The following RBFOX1 variants were observed in gnomAD, a reference collection of about 807,000 sequenced individuals.
The protein encoded by RBFOX1 is RNA binding protein fox-1 homolog 1.
A neutral mutation model predicts 57.7 loss-of-function variants in RBFOX1; 8 were observed. That is an observed-to-expected ratio of 0.14 (90% CI 0.08 to 0.25). The LOEUF (loss-of-function observed/expected upper bound fraction) is 0.25. RBFOX1 is among the 10% of genes least tolerant of loss of function. The probability of loss-of-function intolerance (pLI) is 1.00; values close to 1 mark genes in which losing one functional copy is unlikely to be tolerated. For synonymous variants in RBFOX1, 326 were observed against 222.4 expected (o/e 1.47, Z -4.15); for missense variants, 611 against 548.5 (o/e 1.11, Z -1.14).
At chr16:7,302,199 G>A (rs1176824842) in intron 4 of RBFOX1, among the ~76,000 whole-genome samples, 2 of 152,168 alleles carry the variant, frequency 1.3e-5, no homozygotes, top group African/African-American at 4.8e-5. Context: ...TGGAGGCACT[G>A]GTTTTGCAAG....
chr16:6,597,498 C>T (rs765525884), intron 2 of RBFOX1, among the ~76,000 whole-genome samples: 1 of 151,990 alleles, frequency 6.6e-6, no homozygotes, highest in African/African-American at 2.4e-5. Flanking sequence ...ATGGTGAAAC[C>T]CTGTCTCTAC....
At chr16:5,709,748 T>G (rs1313528262) in intron 3 of RBFOX1, among the ~76,000 whole-genome samples, 5 of 138,184 alleles carry the variant, frequency 3.6e-5, no homozygotes, top group Non-Finnish European at 7.7e-5. Context: ...AATGAGATCT[T>G]TACACCAATA....
At chr16:7,456,326 C>G (rs1027970911) in intron 4 of RBFOX1, among the ~76,000 whole-genome samples, 1 of 152,168 alleles carries the variant, frequency 6.6e-6, no homozygotes, top group African/African-American at 2.4e-5. Context: ...TGTGTGGATT[C>G]TCATTGTGAA....
intron 1 of RBFOX1, among the ~76,000 whole-genome samples, chr16:5,322,984 G>A (rs745957606): frequency 6.6e-6 from 1 of 152,090 alleles, no homozygotes; most frequent in Non-Finnish European, 1.5e-5. Flanking sequence ...GTAGATGAGT[G>A]TGGGCTTCAA....
intron 3 of RBFOX1, among the ~76,000 whole-genome samples, chr16:6,808,543 CT>C: frequency 6.6e-6 from 1 of 152,222 alleles, no homozygotes; most frequent in East Asian, 1.9e-4. Flanking sequence ...GGTTTGCATA[CT>C]CAACAAACAT....
At chr16:6,749,219 C>A (rs1011110329) in intron 3 of RBFOX1, among the ~76,000 whole-genome samples, 2 of 152,112 alleles carry the variant, frequency 1.3e-5, no homozygotes, top group South Asian at 4.1e-4. Context: ...CAGGCAAGAT[C>A]GTGTTTTGGC....
intron 3 of RBFOX1, among the ~76,000 whole-genome samples, chr16:6,903,711 A>C (rs950130791): frequency 6.6e-6 from 1 of 152,150 alleles, no homozygotes; most frequent in Admixed American, 6.5e-5. Context: ...GCAGCAGAGC[A>C]AGCACTGGGA....
At chr16:5,431,851 C>G (rs1432003051) in intron 1 of RBFOX1, among the ~76,000 whole-genome samples, 1 of 152,150 alleles carries the variant, frequency 6.6e-6, no homozygotes, top group Non-Finnish European at 1.5e-5. Flanking sequence ...CCAAAATCGT[C>G]CCTACAAATT....
chr16:6,323,136 G>A (rs529598201), intron 2 of RBFOX1, among the ~76,000 whole-genome samples: 1 of 152,298 alleles, frequency 6.6e-6, no homozygotes, highest in Non-Finnish European at 1.5e-5. Context: ...GGCAGAGAGA[G>A]AAAAGACAGA....
chr16:6,482,477 A>G (rs535513786), intron 2 of RBFOX1, among the ~76,000 whole-genome samples: 7 of 152,260 alleles, frequency 4.6e-5, no homozygotes, highest in Non-Finnish European at 1.0e-4. Flanking sequence ...AAAAAAAGTG[A>G]AATAGATCTA....
intron 4 of RBFOX1, among the ~76,000 whole-genome samples, chr16:7,162,409 C>T (rs1053369747): frequency 6.6e-6 from 1 of 151,778 alleles, no homozygotes; most frequent in Non-Finnish European, 1.5e-5. Context: ...TTATGATGCT[C>T]CATTGTGCAG....
intron 4 of RBFOX1, among the ~76,000 whole-genome samples, chr16:5,936,423 C>A (rs2059170332): frequency 6.6e-6 from 1 of 152,120 alleles, no homozygotes; most frequent in African/African-American, 2.4e-5. Flanking sequence ...TGCACCTGGC[C>A]ATTAGGGAGG....
intron 4 of RBFOX1, among the ~76,000 whole-genome samples, chr16:7,198,915 ACAGTT>A (rs1266802913): frequency 2.0e-5 from 3 of 152,174 alleles, no homozygotes; most frequent in Non-Finnish European, 2.9e-5. Flanking sequence ...TGCCTTGTTC[ACAGTT>A]TGCTCAGTAT....
At chr16:6,604,277 GA>G (rs1007730376) in intron 2 of RBFOX1, among the ~76,000 whole-genome samples, 1 of 151,664 alleles carries the variant, frequency 6.6e-6, no homozygotes, top group Non-Finnish European at 1.5e-5. Flanking sequence ...GGCTATTTTA[GA>G]AAAAAACCTC....
intron 1 of RBFOX1, among the ~76,000 whole-genome samples, chr16:6,160,299 A>G (rs1189172088): frequency 1.3e-5 from 2 of 152,176 alleles, no homozygotes; most frequent in Admixed American, 6.5e-5. Context: ...TGTATGCAAC[A>G]TGATATTGTA....
rs115315518 is a variant in RBFOX1, at chr16:6,881,174, C to A, written c.-15-170883C>A. Among the ~76,000 whole-genome samples the A allele has an allele frequency of 8.0e-3, 1,223 of 152,242 alleles. 19 individuals carry two copies. Among genetic ancestry groups the A allele is most frequent in the African/African-American group, 0.028 (1,158 of 41,526 alleles). On this transcript the variant is annotated intron_variant, in intron 3 of 15. Coordinates refer to ENST00000550418, the MANE Select transcript of RBFOX1 (RefSeq NM_018723.4). ...ATCAGAGCTGGCACACAAAATGAAA[C>A]CCATTTGCTCTCCCAAGCTCACAGG...
intron 3 of RBFOX1, among the ~76,000 whole-genome samples, chr16:6,892,021 C>G (rs2065556035): frequency 6.6e-6 from 1 of 152,106 alleles, no homozygotes; most frequent in South Asian, 2.1e-4. Context: ...TTCTGTGTTG[C>G]CTACTTAGAA....
intron 3 of RBFOX1, among the ~76,000 whole-genome samples, chr16:6,986,149 C>A (rs1477044602): frequency 8.3e-6 from 1 of 120,868 alleles, no homozygotes; most frequent in Non-Finnish European, 1.6e-5. Flanking sequence ...GTACAATAAC[C>A]CTTATATACG....
chr16:7,148,448 C>G (rs746148444), intron 4 of RBFOX1, among the ~76,000 whole-genome samples: 3 of 152,216 alleles, frequency 2.0e-5, no homozygotes, highest in Non-Finnish European at 4.4e-5. Context: ...TATTTTAAAA[C>G]CTCTTTTGCT....
Sources: gnomAD v4.1 joint callset for allele counts (sites outside exome capture counted in the v4.1 genomes callset) on GRCh38, gnomAD v4.1.1 for gene constraint, MANE v1.5 for transcripts, NCBI Gene and HGNC (gene_info 2026-07-23, HGNC 2026-07-21) for gene names.